Variants in HACD4 observed in about 807,000 individuals in gnomAD.
HACD4 encodes very-long-chain (3R)-3-hydroxyacyl-CoA dehydratase 4.
HACD4 carries 35 observed loss-of-function variants against 33.3 expected under a neutral mutation model. The ratio of observed to expected loss-of-function variants is 1.05; its 90% CI spans 0.80 to 1.39. The LOEUF (loss-of-function observed/expected upper bound fraction) is 1.39. Among genes scored for constraint, HACD4 ranks in the 40% most tolerant of loss-of-function variants. The pLI, the probability that HACD4 is intolerant of heterozygous loss-of-function variation, is 0.00. For synonymous variants in HACD4, 118 were observed against 98.0 expected (o/e 1.20, Z -1.21); for missense variants, 323 against 276.5 (o/e 1.17, Z -1.19).
chr9:21,013,866 C>A (rs1842495083), intron 4 of HACD4, among the ~76,000 whole-genome samples: 2 of 151,974 alleles, frequency 1.3e-5, no homozygotes, highest in African/African-American at 4.8e-5. Flanking sequence ...TGTCATCTGC[C>A]AATAGAGATA....
chr9:21,007,707 G>A (rs1264450019), intron 6 of HACD4, among the ~76,000 whole-genome samples: 1 of 152,140 alleles, frequency 6.6e-6, no homozygotes, highest in African/African-American at 2.4e-5. Flanking sequence ...ATTCTTCTTA[G>A]TTTGACATCT....
In HACD4 at chr9:21,016,008, G is replaced by A. The variant is rs568979987; in HGVS notation, c.273C>T (p.Leu91=). Residue 91 remains leucine, a splice_region_variant and synonymous_variant, in exon 4 of 7, where the codon CTC becomes CTT. Coordinates refer to ENST00000495827, the MANE Select transcript of HACD4 (RefSeq NM_001010915.5). ...CAAAAAGGATGATTATTCTTTCTGTGAGCTAACAAAGAAACAGCAAAGTCA... is the reference window on the plus strand; with the variant it reads ...CAAAAAGGATGATTATTCTTTCTGTAAGCTAACAAAGAAACAGCAAAGTCA... The part of the protein sequence containing the change: ...SNHLLPRFLQ[L]TERIIILFVV... 1 of 1,607,846 alleles carries A rather than the reference G, an allele frequency of 6.2e-7. No homozygotes were observed. Among genetic ancestry groups the A allele is most frequent in the South Asian group, 1.1e-5 (1 of 90,786 alleles).
rs1009188259 is a variant in HACD4, at chr9:21,026,790, A to G, written c.143-67T>C. 9 of 1,336,430 alleles carry G rather than the reference A, an allele frequency of 6.7e-6. No homozygotes were observed. The African/African-American group carries it at 1.3e-4, about 19-fold the overall frequency. The allele number at this position is 1,336,430 out of a possible 1,614,324, so 82.8% of individuals were successfully genotyped here. ...ACTGGATTATAACCCAAATTTATGC[A>G]GCACTTTGAAGTCAAATGGAGATTA... On this transcript the variant is annotated intron_variant, in intron 2 of 6. Transcript: ENST00000495827.
In HACD4 at chr9:21,001,582, A is replaced by G. The variant is rs1842166416; in HGVS notation, c.*5455T>C. The G allele has an allele frequency of 6.6e-6, 1 of 152,164 alleles. No homozygotes were observed. Among genetic ancestry groups the G allele is most frequent in the Admixed American group, 6.6e-5 (1 of 15,266 alleles). The allele number at this position is 152,164 out of a possible 1,614,324, so 9.4% of individuals were successfully genotyped here. A position where few individuals can be genotyped will look rare whatever the true frequency, so the allele number is the denominator to read the frequency against. ...TGAATTCCAAGAGATCCACACAACT[A>G]TCAAAAGCCAAAGACAGAAAGAGAA... On this transcript the variant is annotated 3_prime_UTR_variant, in exon 7 of 7. Transcript: ENST00000495827.
At chr9:21,021,507 A>G (rs578074568) in intron 3 of HACD4, among the ~76,000 whole-genome samples, 99 of 152,334 alleles carry the variant, frequency 6.5e-4, no homozygotes, top group African/African-American at 2.4e-3. Flanking sequence ...AATCTCCTTA[A>G]GCTGATAAGC....
At chr9:21,025,694 A>G (rs1818043753) in intron 3 of HACD4, among the ~76,000 whole-genome samples, 1 of 152,332 alleles carries the variant, frequency 6.6e-6, no homozygotes, top group Admixed American at 6.5e-5. Context: ...GATTTTCTAC[A>G]TGAAGTCACT....
chr9:21,007,920 G>T, intron 6 of HACD4, 101 bp downstream of exon 6: 1 of 1,031,476 alleles, frequency 9.7e-7, no homozygotes, highest in Non-Finnish European at 1.3e-6. Flanking sequence ...CTTCCTCTTT[G>T]GTCTCTCCCA....
chr9:21,007,143 AAAGT>A lies in HACD4; in HGVS notation c.617-28_617-25del, dbSNP rs748451693. The A allele has an allele frequency of 5.3e-5, 63 of 1,184,698 alleles. No individual in the cohort carries two copies. The African/African-American group carries it at 7.7e-4, about 14-fold the overall frequency. 73.4% of individuals were successfully genotyped at this position (1,184,698 alleles called of 1,614,324 possible). The stretch of plus-strand genomic sequence containing the variant: ...ACCTAATATGGAGAAAGAAGTTGCA[AAAGT>A]AAGTAAGGTTAACTATTTCTCTGGA... On this transcript the variant is annotated intron_variant, in intron 6 of 6. Coordinates refer to ENST00000495827, the MANE Select transcript of HACD4 (RefSeq NM_001010915.5).
chr9:21,031,307 C>G (rs962042679), intron 1 of HACD4: 2 of 293,842 alleles, frequency 6.8e-6, no homozygotes, highest in Admixed American at 1.3e-4. Flanking sequence ...GCAGGGGTAG[C>G]CATGCAGCCT....
At chr9:21,028,508 G>A (rs540025407) in intron 2 of HACD4, among the ~76,000 whole-genome samples, 77 of 152,316 alleles carry the variant, frequency 5.1e-4, no homozygotes, top group African/African-American at 1.8e-3. Context: ...ATGGGACCCT[G>A]CAAGTAGAAT....
At chr9:21,007,172 A>G in intron 6 of HACD4, 53 bp from the exon 7 acceptor site, 1 of 930,538 alleles carries the variant, frequency 1.1e-6, no homozygotes. Flanking sequence ...ATTTCTCTGG[A>G]AGAAACAATG....
At chr9:21,029,582 C>T (rs946266778) in intron 1 of HACD4, among the ~76,000 whole-genome samples, 184 bp from the exon 2 acceptor site, 1 of 152,308 alleles carries the variant, frequency 6.6e-6, no homozygotes, top group Non-Finnish European at 1.5e-5. Flanking sequence ...CTACACTACC[C>T]GCTAAAGTAA....
intron 4 of HACD4, among the ~76,000 whole-genome samples, chr9:21,013,570 C>G (rs544376521): frequency 2.0e-5 from 3 of 152,204 alleles, no homozygotes; most frequent in Non-Finnish European, 4.4e-5. Context: ...AGGGATTGCA[C>G]TGAATCTACA....
rs758594956 is a variant in HACD4 at position 21,011,603 on chromosome 9, C to A, written c.476G>T (p.Cys159Phe). ...TCTTTTCTTACCTTCAGCAAGAACA[C>A]ACAAAGGATAAATTGGCATCCATAG... The part of the protein sequence containing the change: ...QTLWMPIYPL[C>F]VLAEAFAIYQ... The change falls in exon 5 of 7, where the codon TGT becomes TTT. Residue 159 changes from cysteine to phenylalanine, a missense_variant. Physicochemically the swap from Cys to Phe is radical, Grantham distance 205 (BLOSUM62 -2). Transcript: ENST00000495827. The A allele has an allele frequency of 6.2e-7, 1 of 1,604,170 alleles. No individual in the cohort carries two copies. The highest frequency in any genetic ancestry group is 1.1e-5 in the South Asian group (1 of 90,790).
In HACD4 at chr9:21,015,935, C is replaced by T; in HGVS notation, c.346G>A (p.Val116Ile). The change falls in exon 4 of 7, where the codon GTT (valine) becomes ATT (isoleucine). Residue 116 changes from valine (V) to isoleucine (I), a missense_variant. Transcript: ENST00000495827. ...EEVQEKYVVC[V>I]LFVFWNLLDM... ...AATAGATTCCAAAAGACGAATAAAA[C>T]ACACACCACATATTTCTCTTGGACT... 1.2e-6 allele frequency: 2 copies of T among 1,612,856 alleles called. No individual in the cohort carries two copies. Among genetic ancestry groups the T allele is most frequent in the Non-Finnish European group, 8.5e-7 (1 of 1,179,074 alleles).
At chr9:21,023,666 C>T (rs567208091) in intron 3 of HACD4, among the ~76,000 whole-genome samples, 31 of 151,884 alleles carry the variant, frequency 2.0e-4, no homozygotes, top group Non-Finnish European at 4.0e-4. Context: ...TCTCTGCCTC[C>T]AGGGTTCAAG....
intron 4 of HACD4, chr9:21,015,279 T>G (rs912926267): frequency 6.6e-6 from 1 of 152,172 alleles, no homozygotes. Context: ...ACGGTTCTTA[T>G]TTAGGAAAGC....
chr9:21,017,644 C>T (rs1157157730), intron 3 of HACD4, among the ~76,000 whole-genome samples: 2 of 152,094 alleles, frequency 1.3e-5, no homozygotes, highest in Non-Finnish European at 2.9e-5. Context: ...GATACACATA[C>T]ATGAATGGAT....
At chr9:21,028,779 CTCCTATA>C (rs1469929333) in intron 2 of HACD4, among the ~76,000 whole-genome samples, 1 of 151,778 alleles carries the variant, frequency 6.6e-6, no homozygotes, top group Non-Finnish European at 1.5e-5. Context: ...TTAATGCTGA[CTCCTATA>C]TAAGTGGTTA....
Sources: allele counts gnomAD v4.1 joint callset (sites outside exome capture counted in the v4.1 genomes callset), GRCh38; gene constraint gnomAD v4.1.1; transcripts MANE v1.5; gene names NCBI Gene and HGNC (gene_info 2026-07-23, HGNC 2026-07-21).